Variants in XKR4 observed in about 807,000 individuals in gnomAD.
XKR4 encodes XK-related protein 4.
XKR4 carries 12 observed loss-of-function variants against 53.9 expected under a neutral mutation model. The ratio of observed to expected loss-of-function variants is 0.22; its 90% CI spans 0.14 to 0.36. The LOEUF is 0.36. XKR4 is among the 10% of genes least tolerant of loss of function. The probability of loss-of-function intolerance (pLI) is 1.00; values close to 1 mark genes in which losing one functional copy is unlikely to be tolerated. For missense variants in XKR4, 799 were observed against 859.5 expected (o/e 0.93, Z 0.88); for synonymous variants, 354 against 362.4 (o/e 0.98, Z 0.26).
chr8:55,306,259 A>G (rs1819297931), intron 1 of XKR4, among the ~76,000 whole-genome samples: 1 of 152,176 alleles, frequency 6.6e-6, no homozygotes, highest in South Asian at 2.1e-4. Context: ...GCTTCATTGT[A>G]CTTTGCTATT....
intron 2 of XKR4, among the ~76,000 whole-genome samples, chr8:55,507,759 T>G (rs577781938): frequency 3.9e-5 from 6 of 152,330 alleles, no homozygotes; most frequent in South Asian, 2.1e-4. Flanking sequence ...TGTTGGACAT[T>G]TGGGTTGGTT....
chr8:55,147,848 C>T (rs543046144), intron 1 of XKR4, among the ~76,000 whole-genome samples: 1 of 152,208 alleles, frequency 6.6e-6, no homozygotes, highest in South Asian at 2.1e-4. Context: ...AAAATGTAAC[C>T]AGATGAATGA....
chr8:55,437,352 G>A lies in XKR4; in HGVS notation c.1006+79475G>A, dbSNP rs1186855981. On this transcript the variant is annotated intron_variant, in intron 2 of 2. Coordinates refer to ENST00000327381, the MANE Select transcript of XKR4 (RefSeq NM_052898.2). ...GGCCTCAATTTTCAATATTAAGGGAGGAGGTTTCTACCCCAAATCAGATTT... is the reference window on the plus strand; with the variant it reads ...GGCCTCAATTTTCAATATTAAGGGAAGAGGTTTCTACCCCAAATCAGATTT... Among the ~76,000 whole-genome samples the A allele has an allele frequency of 2.6e-5, 4 of 152,196 alleles. No homozygotes were observed. The East Asian group carries it at 7.7e-4, about 29-fold the overall frequency.
chr8:55,426,033 A>G (rs1382535413), intron 2 of XKR4, among the ~76,000 whole-genome samples: 1 of 152,142 alleles, frequency 6.6e-6, no homozygotes, highest in Non-Finnish European at 1.5e-5. Flanking sequence ...GTTCCTCACC[A>G]ACACCATACT....
chr8:55,456,486 T>A (rs145693861), intron 2 of XKR4, among the ~76,000 whole-genome samples: 7 of 151,748 alleles, frequency 4.6e-5, no homozygotes, highest in Admixed American at 1.3e-4. Flanking sequence ...TGACTCAGAG[T>A]AGACCTAGAT....
intron 1 of XKR4, among the ~76,000 whole-genome samples, chr8:55,342,026 A>C (rs1055267318): frequency 6.6e-6 from 1 of 151,902 alleles, no homozygotes; most frequent in African/African-American, 2.4e-5. Context: ...CCAACTGTCT[A>C]CTCAAGATCT....
At chr8:55,203,202 C>CG (rs1471890983) in intron 1 of XKR4, among the ~76,000 whole-genome samples, 1 of 152,230 alleles carries the variant, frequency 6.6e-6, no homozygotes, top group Non-Finnish European at 1.5e-5. Context: ...CCGCCAAGCA[C>CG]GGCGCCTGTA....
intron 1 of XKR4, among the ~76,000 whole-genome samples, chr8:55,132,729 T>C (rs1816575673): frequency 6.6e-6 from 1 of 152,196 alleles, no homozygotes; most frequent in Non-Finnish European, 1.5e-5. Flanking sequence ...CGTACTTGCC[T>C]GGTGAGGAGT....
chr8:55,230,902 C>T (rs958235833), intron 1 of XKR4, among the ~76,000 whole-genome samples: 8 of 152,114 alleles, frequency 5.3e-5, no homozygotes, highest in Non-Finnish European at 1.2e-4. Context: ...AACAAGCACT[C>T]ACGGTCCTTT....
chr8:55,108,471 A>G (rs572153261), intron 1 of XKR4, among the ~76,000 whole-genome samples: 85 of 152,300 alleles, frequency 5.6e-4, no homozygotes, highest in Middle Eastern at 3.4e-3. Flanking sequence ...TGTCTCTGTC[A>G]TTCATGGAAA....
chr8:55,234,138 C>T (rs997436275), intron 1 of XKR4, among the ~76,000 whole-genome samples: 2 of 152,094 alleles, frequency 1.3e-5, no homozygotes, highest in African/African-American at 2.4e-5. Context: ...CTTTATTACC[C>T]ACAGAGATGC....
intron 2 of XKR4, among the ~76,000 whole-genome samples, chr8:55,420,365 A>G (rs556329697): frequency 6.6e-6 from 1 of 152,238 alleles, no homozygotes; most frequent in South Asian, 2.1e-4. Flanking sequence ...TATTCACAAT[A>G]GCAAAGACTT....
At chr8:55,302,378 A>G (rs1443630558) in intron 1 of XKR4, among the ~76,000 whole-genome samples, 3 of 151,310 alleles carry the variant, frequency 2.0e-5, no homozygotes, top group Non-Finnish European at 4.5e-5. Flanking sequence ...TACCAGTACC[A>G]TGCTGTTTTG....
intron 2 of XKR4, among the ~76,000 whole-genome samples, chr8:55,436,510 G>C (rs1235296699): frequency 2.6e-5 from 4 of 152,190 alleles, no homozygotes; most frequent in Non-Finnish European, 5.9e-5. Context: ...GTTCAGGTTT[G>C]ACCTCAGAAG....
At chr8:55,116,501 G>A (rs188928333) in intron 1 of XKR4, among the ~76,000 whole-genome samples, 16 of 152,270 alleles carry the variant, frequency 1.1e-4, no homozygotes, top group Middle Eastern at 3.4e-3. Context: ...GTCTTCCTAC[G>A]TGAGAAATGT....
intron 2 of XKR4, among the ~76,000 whole-genome samples, chr8:55,463,678 A>G (rs1805701937): frequency 6.6e-6 from 1 of 152,138 alleles, no homozygotes; most frequent in South Asian, 2.1e-4. Flanking sequence ...AAAATCAATG[A>G]ATCCAGGAGC....
chr8:55,227,647 C>T (rs997473337), intron 1 of XKR4, among the ~76,000 whole-genome samples: 2 of 152,202 alleles, frequency 1.3e-5, no homozygotes, highest in African/African-American at 2.4e-5. Flanking sequence ...CTGCCTGACT[C>T]ATGGTTACAT....
At chr8:55,334,589 T>G (rs1290565662) in intron 1 of XKR4, among the ~76,000 whole-genome samples, 1 of 152,204 alleles carries the variant, frequency 6.6e-6, no homozygotes, top group Non-Finnish European at 1.5e-5. Flanking sequence ...GCAATATTCC[T>G]GGACCCCTCT....
In XKR4 at chr8:55,525,416, C is replaced by G. The variant is rs1806869647; in HGVS notation, c.*1189C>G. 6.6e-6 allele frequency: 1 copy of G among 152,558 alleles called. No homozygotes were observed. The highest frequency in any genetic ancestry group is 1.5e-5 in the Non-Finnish European group (1 of 68,014). 9.5% of individuals were successfully genotyped at this position (152,558 alleles called of 1,614,324 possible). A position where few individuals can be genotyped will look rare whatever the true frequency, so the allele number is the denominator to read the frequency against. On this transcript the variant is annotated 3_prime_UTR_variant, in exon 3 of 3. Transcript: ENST00000327381. ...GTCAAAGTGATGTGTCTTTTAGAGG[C>G]TTTGGGACACTTTTTAGTAAGTATG...
Sources: allele counts gnomAD v4.1 joint callset (sites outside exome capture counted in the v4.1 genomes callset), GRCh38; gene constraint gnomAD v4.1.1; transcripts MANE v1.5; gene names NCBI Gene and HGNC (gene_info 2026-07-23, HGNC 2026-07-21).